The following ARHGEF6 variants were observed in gnomAD, a reference collection of about 807,000 sequenced individuals.
ARHGEF6 encodes Rac/Cdc42 guanine nucleotide exchange factor 6, also known as rho guanine nucleotide exchange factor 6.
ARHGEF6 carries 9 observed loss-of-function variants against 70.3 expected under a neutral mutation model. The ratio of observed to expected loss-of-function variants is 0.13; its 90% CI spans 0.08 to 0.22. The LOEUF (loss-of-function observed/expected upper bound fraction) is 0.22, where lower values mean the gene tolerates loss of function less well. ARHGEF6 is among the 10% of genes least tolerant of loss of function. The pLI is 1.00. For synonymous variants in ARHGEF6, 201 were observed against 207.8 expected (o/e 0.97, Z 0.28); for missense variants, 470 against 563.0 (o/e 0.83, Z 1.67).
intron 2 of ARHGEF6, among the ~76,000 whole-genome samples, chrX:136,747,913 C>G (rs139241272): frequency 1.1e-3 from 117 of 110,769 alleles, no homozygotes; most frequent in Non-Finnish European, 1.9e-3. Context: ...TCAATAGTTT[C>G]AGCCCAGTTA....
intron 3 of ARHGEF6, among the ~76,000 whole-genome samples, chrX:136,745,829 T>C (rs1287653343): frequency 1.8e-5 from 2 of 111,658 alleles, no homozygotes; most frequent in Admixed American, 9.5e-5. Context: ...TGGGGCAGGG[T>C]GGAGAATGAG....
At chrX:136,690,050 T>C (rs927233845) in intron 10 of ARHGEF6, among the ~76,000 whole-genome samples, 2 of 112,166 alleles carry the variant, frequency 1.8e-5, no homozygotes, top group South Asian at 3.7e-4. Flanking sequence ...CTGATGTACA[T>C]GCATGATGTG....
At chrX:136,744,370 T>C (rs548546982) in intron 4 of ARHGEF6, among the ~76,000 whole-genome samples, 5 of 112,437 alleles carry the variant, frequency 4.4e-5, no homozygotes, top group Middle Eastern at 9.1e-3. Flanking sequence ...TACATGGATA[T>C]ATTAAGTCAG....
intron 7 of ARHGEF6, among the ~76,000 whole-genome samples, chrX:136,712,346 C>T (rs2076695298): frequency 8.9e-6 from 1 of 112,222 alleles, no homozygotes; most frequent in Non-Finnish European, 1.9e-5. Context: ...CTCCTGACCT[C>T]AAGCGATCTG....
chrX:136,686,592 G>GTATATATATATA (rs1426495423), intron 11 of ARHGEF6, among the ~76,000 whole-genome samples: 5 of 59,674 alleles, frequency 8.4e-5, no homozygotes, highest in East Asian at 5.0e-4. Flanking sequence ...GTGTATGTGT[G>GTATATATATATA]TGTATATATA....
At chrX:136,687,586 C>T (rs1426928490) in intron 11 of ARHGEF6, among the ~76,000 whole-genome samples, 1 of 111,930 alleles carries the variant, frequency 8.9e-6, no homozygotes, top group Non-Finnish European at 1.9e-5. Flanking sequence ...AGTATTGATG[C>T]AAATCAGTGA....
intron 2 of ARHGEF6, among the ~76,000 whole-genome samples, chrX:136,757,561 T>A (rs780711824): frequency 4.5e-5 from 5 of 111,525 alleles, no homozygotes; most frequent in Non-Finnish European, 9.4e-5. Context: ...TTCAGAAAGT[T>A]CCCTCAATCA....
chrX:136,731,993 A>G (rs1411740162), intron 6 of ARHGEF6, 109 bp downstream of exon 6: 2 of 592,755 alleles, frequency 3.4e-6, no homozygotes, highest in Non-Finnish European at 5.5e-6. Context: ...TCATGCATGC[A>G]ACTTTATTCA....
At chrX:136,742,059 G>A (rs1005098560) in intron 5 of ARHGEF6, among the ~76,000 whole-genome samples, 1 of 112,084 alleles carries the variant, frequency 8.9e-6, no homozygotes, top group Non-Finnish European at 1.9e-5. Flanking sequence ...AGTGGCTCAC[G>A]CCTGTAATCC....
Position 136,780,058 on chromosome X carries a change from C to G in ARHGEF6, c.166-561G>C, listed in dbSNP as rs187910285. On this transcript the variant is annotated intron_variant, in intron 1 of 21. Coordinates refer to ENST00000250617, the MANE Select transcript of ARHGEF6 (RefSeq NM_004840.3). ...TAAGAAAGTAAATGTAAAATTGTAC[C>G]TTTAAGCTTACTTAAAGTGCCTACT... Among the ~76,000 whole-genome samples the G allele has an allele frequency of 3.5e-3, 390 of 111,940 alleles. 1 individual carries two copies. The highest frequency in any genetic ancestry group is 5.8e-3 in the Non-Finnish European group (306 of 53,162).
chrX:136,776,331 A>G (rs1200516865), intron 2 of ARHGEF6, among the ~76,000 whole-genome samples: 1 of 112,364 alleles, frequency 8.9e-6, no homozygotes, highest in Non-Finnish European at 1.9e-5. Context: ...TGGTAGTGGT[A>G]TAAAAATAGG....
intron 9 of ARHGEF6, among the ~76,000 whole-genome samples, chrX:136,690,988 C>T (rs1037448415): frequency 1.8e-5 from 2 of 110,187 alleles, no homozygotes; most frequent in Non-Finnish European, 3.8e-5. Context: ...TGGTGTCACA[C>T]ATTCAACAAT....
chrX:136,719,849 G>T (rs917235224), intron 6 of ARHGEF6, among the ~76,000 whole-genome samples: 1 of 111,435 alleles, frequency 9.0e-6, no homozygotes, highest in African/African-American at 3.3e-5. Flanking sequence ...TAATGTTAAA[G>T]GAATATTATT....
At chrX:136,686,641 TACACAC>T (rs771810689) in intron 11 of ARHGEF6, among the ~76,000 whole-genome samples, 11 of 66,710 alleles carry the variant, frequency 1.6e-4, no homozygotes, top group African/African-American at 2.2e-4. Flanking sequence ...TATATATATA[TACACAC>T]ATATATATAT....
chrX:136,675,022 G>T lies in ARHGEF6; in HGVS notation c.2020C>A (p.Gln674Lys). 8.3e-7 allele frequency: 1 copy of T among 1,211,249 alleles called. No individual in the cohort carries two copies. The highest frequency in any genetic ancestry group is 1.8e-5 in the South Asian group (1 of 56,982). ...EAYCTSANFQ[Q>K]GHGSSTRKDS... is the part of the protein sequence containing the mutation. The stretch of plus-strand genomic sequence containing the variant: ...GGGAACCTACTTGAGCCATGGCCTT[G>T]TTGAAAATTTGCGCTGGTGCAGTAG... Residue 674 changes from glutamine to lysine, a missense_variant, in exon 19 of 22, where the codon CAA becomes AAA. Gln to Lys is a moderately conservative substitution (Grantham distance 53). This residue lies in a region of ARHGEF6 where 88 missense variants were observed against 95.5 expected (regional missense o/e 0.92). Coordinates refer to ENST00000250617, the MANE Select transcript of ARHGEF6 (RefSeq NM_004840.3).
At chrX:136,760,000 G>A (rs1229927181) in intron 2 of ARHGEF6, among the ~76,000 whole-genome samples, 1 of 112,104 alleles carries the variant, frequency 8.9e-6, no homozygotes, top group Admixed American at 9.4e-5. Flanking sequence ...ACATCTCTTT[G>A]TGTGATAAGG....
intron 12 of ARHGEF6, among the ~76,000 whole-genome samples, chrX:136,683,526 T>C (rs2076355032): frequency 9.0e-6 from 1 of 110,506 alleles, no homozygotes; most frequent in Non-Finnish European, 1.9e-5. Context: ...TCCCGGCTAA[T>C]TTTGTATTTT....
At chrX:136,680,292 C>T (rs1377534132) in intron 15 of ARHGEF6, among the ~76,000 whole-genome samples, 2 of 112,589 alleles carry the variant, frequency 1.8e-5, no homozygotes, top group Non-Finnish European at 3.8e-5. Context: ...TAAAAGTTTA[C>T]CTTTGAAGAA....
chrX:136,755,348 A>G (rs1486384172), intron 2 of ARHGEF6, among the ~76,000 whole-genome samples: 1 of 111,749 alleles, frequency 8.9e-6, no homozygotes, highest in Non-Finnish European at 1.9e-5. Flanking sequence ...TGAGAGAATC[A>G]AGGTAAATAT....
Sources: allele counts gnomAD v4.1 joint callset (sites outside exome capture counted in the v4.1 genomes callset), GRCh38; gene constraint gnomAD v4.1.1; regional missense constraint gnomAD v4.1.1; transcripts MANE v1.5; gene names NCBI Gene and HGNC (gene_info 2026-07-23, HGNC 2026-07-21).